NPAS4: variants seen among roughly 807,000 people sequenced by gnomAD.
NPAS4 encodes the protein neuronal PAS domain protein 4.
NPAS4 carries 10 observed loss-of-function variants against 64.0 expected under a neutral mutation model. The ratio of observed to expected loss-of-function variants is 0.16; its 90% confidence interval spans 0.10 to 0.26. The LOEUF is 0.26. Among genes scored for constraint, NPAS4 ranks in the 10% least tolerant of loss-of-function variants. NPAS4 has a pLI of 1.00. For missense variants in NPAS4, 886 were observed against 992.6 expected, an observed-to-expected ratio of 0.89 and a Z score of 1.44; for synonymous variants, 441 against 411.7, an observed-to-expected ratio of 1.07 and a Z score of -0.86.
At position 66,426,129 on chromosome 11, in the gene NPAS4, TGG is replaced by T. The variant is rs3215144; in HGVS notation, c.*149_*150del. The T allele has an allele frequency of 5.3e-4, 172 of 321,808 alleles. No individual in the cohort carries two copies. The highest frequency in any genetic ancestry group is 1.1e-3 in the Admixed American group (29 of 26,624). 19.9% of individuals were successfully genotyped at this position (321,808 alleles called of 1,614,324 possible). On this transcript the variant is annotated 3_prime_UTR_variant, in exon 8 of 8. Transcript: ENST00000311034. ...TGATTCCCCAGGCCCTGCAGGATTT[TGG>T]GGGGGGGGAGGTGGGAGGGCAAGGG...
chr11:66,413,527 C>A, the NPAS4 span, among the ~76,000 whole-genome samples: 335 of 152,364 alleles, frequency 2.2e-3, 3 homozygotes, highest in African/African-American at 7.7e-3. Context: ...TAGCATAAGT[C>A]CTAGAGCCAA....
chr11:66,424,585 G>A lies in NPAS4; in HGVS notation c.1695G>A (p.Glu565=), dbSNP rs1203997474. The change falls in exon 7 of 8, where the codon GAG becomes GAA. Residue 565 remains glutamate (E), a synonymous_variant. Coordinates refer to ENST00000311034, the MANE Select transcript of NPAS4 (RefSeq NM_178864.4). ...CTACCAAGACTTACTTTGCCCAGGA[G>A]GGATGCAGTTTTCTCTATGAGAAGT... is the stretch of plus-strand genomic sequence containing the variant. ...PNPTKTYFAQ[E]GCSFLYEKLP... is the part of the protein sequence containing the mutation. 6 of 1,614,192 alleles carry A rather than the reference G, an allele frequency of 3.7e-6. No individual in the cohort carries two copies. Among genetic ancestry groups the A allele is most frequent in the African/African-American group, 1.3e-5 (1 of 75,034 alleles).
intron 1 of NPAS4, 117 bp downstream of exon 1, chr11:66,421,471 T>TTCGGGAC (rs1310196562): frequency 6.3e-5 from 55 of 876,702 alleles, no homozygotes; most frequent in Admixed American, 9.4e-5. Context: ...GCTGGGGAGA[T>TTCGGGAC]TCGGGACTCG....
chr11:66,416,362 C>A (rs1451637684), upstream of NPAS4, among the ~76,000 whole-genome samples: 1 of 152,142 alleles, frequency 6.6e-6, no homozygotes, highest in Non-Finnish European at 1.5e-5. Context: ...TGTAGCAAGC[C>A]AAGCACGGGA....
chr11:66,424,904 C>T lies in NPAS4; in HGVS notation c.2014C>T (p.Leu672=). 6.2e-7 allele frequency: 1 copy of T among 1,613,794 alleles called. No individual in the cohort carries two copies. Among genetic ancestry groups the T allele is most frequent in the Non-Finnish European group, 8.5e-7 (1 of 1,179,920 alleles). ...AGGACTGGAGCCCCTGGACTCCAAC[C>T]TGTCCCTGTCAGGGGCAGGCCCCCC... ...LGGLEPLDSN[L]SLSGAGPPVL... is the part of the protein sequence containing the mutation. The change falls in exon 7 of 8, where the codon CTG becomes TTG. Residue 672 remains leucine, a synonymous_variant. Transcript: ENST00000311034.
At position 66,421,145 on chromosome 11, in the gene NPAS4, C is replaced by T; in HGVS notation, c.-35C>T. 6.4e-7 allele frequency: 1 copy of T among 1,558,258 alleles called. No individual in the cohort carries two copies. The highest frequency in any genetic ancestry group is 8.7e-7 in the Non-Finnish European group (1 of 1,149,970). ...GCGTCGGGACGGGAGCGCAGGTGCT[C>T]GGGCACCCGAGCTGGAGCTCCGCAG... On this transcript the variant is annotated 5_prime_UTR_variant, in exon 1 of 8. Coordinates refer to ENST00000311034, the MANE Select transcript of NPAS4 (RefSeq NM_178864.4).
the NPAS4 span, among the ~76,000 whole-genome samples, chr11:66,414,765 G>A: frequency 3.0e-4 from 45 of 152,292 alleles, no homozygotes; most frequent in African/African-American, 9.6e-4. Context: ...TGCACTGACC[G>A]CGGAGCCATG....
At chr11:66,420,145 G>A (rs942751344), upstream of NPAS4, among the ~76,000 whole-genome samples, 10 of 152,350 alleles carry the variant, frequency 6.6e-5, no homozygotes, top group East Asian at 1.7e-3. Context: ...GGCCGGCAAC[G>A]GGGGGAAGGG....
upstream of NPAS4, chr11:66,416,951 C>T (rs1856678745): frequency 6.6e-6 from 1 of 152,188 alleles, no homozygotes; most frequent in Non-Finnish European, 1.5e-5. Flanking sequence ...TAATCCTCCT[C>T]CAAATCTCTG....
chr11:66,414,467 A>C, the NPAS4 span, among the ~76,000 whole-genome samples: 1 of 148,238 alleles, frequency 6.7e-6, no homozygotes. Context: ...TCCCTCTCCC[A>C]CCCCCTCCAT....
chr11:66,417,121 A>G (rs1216523319), upstream of NPAS4: 1 of 151,954 alleles, frequency 6.6e-6, no homozygotes, highest in Non-Finnish European at 1.5e-5. Flanking sequence ...GAATCAGCCA[A>G]TCCCTCCTCG....
chr11:66,412,449 G>T, the NPAS4 span, among the ~76,000 whole-genome samples: 4 of 152,232 alleles, frequency 2.6e-5, no homozygotes, highest in African/African-American at 9.6e-5. Flanking sequence ...CAAAGCTGCC[G>T]GTGGGTACCC....
Position 66,424,284 on chromosome 11 carries a change from C to T in NPAS4, c.1394C>T (p.Thr465Ile), listed in dbSNP as rs763016408. The change falls in exon 7 of 8, where the codon ACC (threonine) becomes ATC (isoleucine). Residue 465 changes from threonine to isoleucine, a missense_variant. Thr to Ile is a moderately conservative substitution (Grantham distance 89, BLOSUM62 -1). Transcript: ENST00000311034. The stretch of plus-strand genomic sequence containing the variant: ...GAACAGCTGACTCCAAGCACTGCGA[C>T]CTTCTCTGATCAGTTGACGCCCAGC... ...LQEQLTPSTA[T>I]FSDQLTPSSA... The T allele has an allele frequency of 1.9e-6, 3 of 1,614,208 alleles. No homozygotes were observed. Among genetic ancestry groups the T allele is most frequent in the Non-Finnish European group, 1.7e-6 (2 of 1,180,048 alleles).
In NPAS4 at chr11:66,426,103, A is replaced by C; in HGVS notation, c.*114A>C. The C allele has an allele frequency of 2.0e-6, 1 of 508,586 alleles. No homozygotes were observed. The allele number at this position is 508,586 out of a possible 1,614,324, so 31.5% of individuals were successfully genotyped here. A position where few individuals can be genotyped will look rare whatever the true frequency, so the allele number is the denominator to read the frequency against. On this transcript the variant is annotated 3_prime_UTR_variant, in exon 8 of 8. Transcript: ENST00000311034. ...TTCTGAGGGCCAGAGGGGGATATATATGATTCCCCAGGCCCTGCAGGATTT... is the reference window on the plus strand; with the variant it reads ...TTCTGAGGGCCAGAGGGGGATATATCTGATTCCCCAGGCCCTGCAGGATTT...
Position 66,424,801 on chromosome 11 carries a change from G to A in NPAS4, c.1911G>A (p.Gln637=), listed in dbSNP as rs768477764. ...KEQNEIDRLI[Q]QISQLAQGMD... is the part of the protein sequence containing the mutation. ...AGAATGAGATAGACCGTCTCATCCAGCAGATTAGCCAATTGGCTCAGGGCA... is the reference window on the plus strand; with the variant it reads ...AGAATGAGATAGACCGTCTCATCCAACAGATTAGCCAATTGGCTCAGGGCA... The change falls in exon 7 of 8, where the codon CAG becomes CAA. Residue 637 remains glutamine (Q), a synonymous_variant. Coordinates refer to ENST00000311034, the MANE Select transcript of NPAS4 (RefSeq NM_178864.4). The A allele has an allele frequency of 1.2e-6, 2 of 1,614,056 alleles. No individual in the cohort carries two copies. The highest frequency in any genetic ancestry group is 2.2e-5 in the South Asian group (2 of 91,066).
rs1856761129 is a variant in NPAS4 at position 66,422,524 on chromosome 11, A to G, written c.401A>G (p.Gln134Arg). 6.2e-7 allele frequency: 1 copy of G among 1,613,998 alleles called. No homozygotes were observed. Among genetic ancestry groups the G allele is most frequent in the East Asian group, 2.2e-5 (1 of 44,862 alleles). The change falls in exon 3 of 8, where the codon CAA (glutamine) becomes CGA (arginine). Residue 134 changes from glutamine (Q) to arginine (R), a missense_variant. This residue lies in a region of NPAS4 where 820 missense variants were observed against 855.5 expected (regional missense o/e 0.96). Coordinates refer to ENST00000311034, the MANE Select transcript of NPAS4 (RefSeq NM_178864.4). ...GCTGACCACCTCACTGTGCGCCAGC[A>G]ACTCACCCTGCCCTCTGCCCTGGAC... is the stretch of plus-strand genomic sequence containing the variant. Reference protein sequence around the residue: ...DPADHLTVRQQLTLPSALDTD... With the variant: ...DPADHLTVRQRLTLPSALDTD...
At chr11:66,419,370 A>G (rs1055339218), upstream of NPAS4, among the ~76,000 whole-genome samples, 1 of 151,580 alleles carries the variant, frequency 6.6e-6, no homozygotes, top group East Asian at 1.9e-4. Context: ...CTCTCCTCCC[A>G]CTCTACCTCT....
At chr11:66,420,992 C>T, upstream of NPAS4, 1 of 569,320 alleles carries the variant, frequency 1.8e-6, no homozygotes, top group Non-Finnish European at 3.1e-6. Context: ...GAGCCCCCCA[C>T]GCCTGGCAGG....
At chr11:66,417,336 A>T (rs1358690903), upstream of NPAS4, among the ~76,000 whole-genome samples, 2 of 147,144 alleles carry the variant, frequency 1.4e-5, no homozygotes, top group African/African-American at 5.0e-5. Context: ...CACACCAGGA[A>T]TTTTTTTTTT....
Sources: allele counts gnomAD v4.1 joint callset (sites outside exome capture counted in the v4.1 genomes callset), GRCh38; gene constraint gnomAD v4.1.1; regional missense constraint gnomAD v4.1.1; transcripts MANE v1.5; gene names NCBI Gene and HGNC (gene_info 2026-07-23, HGNC 2026-07-21).